Variants in KCNT1 observed in about 807,000 individuals in gnomAD.
KCNT1 encodes potassium sodium-activated channel subfamily T member 1, also known as potassium channel subfamily T member 1.
In KCNT1, 78 loss-of-function variants were observed where a neutral mutation model predicts 147.8. That is an observed-to-expected ratio of 0.53 (90% CI 0.44 to 0.64). The LOEUF is 0.64. Among genes scored for constraint, KCNT1 ranks in the 30% least tolerant of loss-of-function variants. The pLI, the probability that KCNT1 is intolerant of heterozygous loss-of-function variation, is 0.00. For missense variants in KCNT1, 1,419 were observed against 1,750.3 expected, an observed-to-expected ratio of 0.81 and a Z score of 3.38; for synonymous variants, 867 against 748.8, an observed-to-expected ratio of 1.16 and a Z score of -2.58.
At chr9:135,758,060 C>T (rs965234625) in intron 9 of KCNT1, among the ~76,000 whole-genome samples, 12 of 152,078 alleles carry the variant, frequency 7.9e-5, no homozygotes, top group Admixed American at 7.9e-4. Context: ...GCAGGCTGCC[C>T]GTGGGCCTCA....
rs1340916778 is a variant in KCNT1 at position 135,784,095 on chromosome 9, C to T, written c.2913C>T (p.Ser971=). The part of the protein sequence containing the change: ...RLPFAAGRVF[S]ISMLDTLLYQ... ...CGTTCGCCGCCGGCCGCGTCTTCAG[C>T]ATCAGCATGTTGGACACACTGCTCT... Residue 971 remains serine, a synonymous_variant, in exon 25 of 31, where the codon AGC becomes AGT. Coordinates refer to ENST00000371757, the MANE Select transcript of KCNT1 (RefSeq NM_020822.3). 1.9e-6 allele frequency: 3 copies of T among 1,605,436 alleles called. No homozygotes were observed. The highest frequency in any genetic ancestry group is 2.5e-6 in the Non-Finnish European group (3 of 1,179,944).
At chr9:135,718,325 G>A (rs1331006041) in intron 2 of KCNT1, among the ~76,000 whole-genome samples, 1 of 152,214 alleles carries the variant, frequency 6.6e-6, no homozygotes, top group African/African-American at 2.4e-5. Flanking sequence ...AGTGCAGGCG[G>A]GGTCTGGAGG....
chr9:135,775,001 T>C lies in KCNT1; in HGVS notation c.2244-309T>C, dbSNP rs112366773. On this transcript the variant is annotated intron_variant, in intron 19 of 30. Coordinates refer to ENST00000371757, the MANE Select transcript of KCNT1 (RefSeq NM_020822.3). ...TGACCCGCCAGGCAGGCACGGGTCC[T>C]TAAGGTTCGGCACCTGCATGGGTGC... is the stretch of plus-strand genomic sequence containing the variant. 0.036 allele frequency among the ~76,000 whole-genome samples: 5,466 copies of C among 152,218 alleles called. 140 individuals carry two copies. Among genetic ancestry groups the C allele is most frequent in the Middle Eastern group, 0.11 (31 of 294 alleles).
At chr9:135,707,012 C>T (rs527565452) in intron 1 of KCNT1, among the ~76,000 whole-genome samples, 1 of 149,860 alleles carries the variant, frequency 6.7e-6, no homozygotes, top group East Asian at 2.0e-4. Flanking sequence ...AGGCCAGGCA[C>T]GGTGGGTCAT....
At chr9:135,770,133 G>T in intron 16 of KCNT1, 78 bp downstream of exon 16, 1 of 1,408,224 alleles carries the variant, frequency 7.1e-7, no homozygotes, top group Non-Finnish European at 9.7e-7. Flanking sequence ...CTGCTTGGGG[G>T]CGGGGATGGG....
At chr9:135,757,461 G>A (rs546521789) in intron 9 of KCNT1, 80 bp downstream of exon 9, 79 of 1,321,386 alleles carry the variant, frequency 6.0e-5, no homozygotes, top group Non-Finnish European at 7.4e-5. Context: ...ACTGTGCGAC[G>A]TAGCCTGCCA....
chr9:135,741,734 C>G (rs1446377883), intron 2 of KCNT1, among the ~76,000 whole-genome samples: 2 of 152,258 alleles, frequency 1.3e-5, no homozygotes, highest in Non-Finnish European at 2.9e-5. Context: ...GCCTGTGACC[C>G]CAGGCTGGCT....
chr9:135,765,715 A>G lies in KCNT1; in HGVS notation c.1292A>G (p.Tyr431Cys). ...QIPLWSQRVI[Y>C]LQGSALKDQD... ...CCTCTGTGGTCCCAGCGGGTCATCT[A>G]CCTCCAGGGCTCTGCACTCAAAGAC... The change falls in exon 13 of 31, where the codon TAC (tyrosine) becomes TGC (cysteine). Residue 431 changes from tyrosine to cysteine, a missense_variant. Around this residue, in one of 5 missense-constraint regions of KCNT1, gnomAD observed 401 missense variants for 610.6 expected, o/e 0.66. Transcript: ENST00000371757. 1 of 1,608,998 alleles carries G rather than the reference A, an allele frequency of 6.2e-7. No individual in the cohort carries two copies. The highest frequency in any genetic ancestry group is 8.5e-7 in the Non-Finnish European group (1 of 1,177,982).
intron 11 of KCNT1, among the ~76,000 whole-genome samples, 176 bp from the exon 12 acceptor site, chr9:135,764,855 G>T (rs1832146689): frequency 6.6e-6 from 1 of 152,122 alleles, no homozygotes; most frequent in South Asian, 2.1e-4. Context: ...GTCATCTGAG[G>T]CTATCAGCAT....
chr9:135,741,233 A>G (rs1361192128), intron 2 of KCNT1, among the ~76,000 whole-genome samples: 1 of 152,120 alleles, frequency 6.6e-6, no homozygotes, highest in African/African-American at 2.4e-5. Flanking sequence ...CTCAGTAGAC[A>G]CTCAGCTAGG....
intron 28 of KCNT1, 142 bp from the exon 29 acceptor site, chr9:135,786,055 C>T (rs1457287506): frequency 2.9e-6 from 2 of 693,042 alleles, no homozygotes; most frequent in East Asian, 2.7e-5. Context: ...CTGTCGTCGT[C>T]CTCTTCCCTA....
Position 135,752,609 on chromosome 9 carries a change from TTGGA to T in KCNT1, c.435-1320_435-1317del, listed in dbSNP as rs1831241420. On this transcript the variant is annotated intron_variant, in intron 4 of 30. Coordinates refer to ENST00000371757, the MANE Select transcript of KCNT1 (RefSeq NM_020822.3). The surrounding 1 kb of genome is among the most constrained non-coding windows in gnomAD (Gnocchi z 5.1). ...AGATGGGTGGATGATGGATGGATGG[TTGGA>T]TGGATGGTGGATGATGGATGGATGG... Among the ~76,000 whole-genome samples, 1 of 149,592 alleles carries T rather than the reference TTGGA, an allele frequency of 6.7e-6. No homozygotes were observed. The highest frequency in any genetic ancestry group is 2.1e-4 in the South Asian group (1 of 4,672).
At chr9:135,774,760 G>A (rs545730626) in intron 19 of KCNT1, among the ~76,000 whole-genome samples, 4 of 152,234 alleles carry the variant, frequency 2.6e-5, no homozygotes, top group East Asian at 1.9e-4. Flanking sequence ...GTCCATTTCC[G>A]TGTGCCTGTA....
intron 12 of KCNT1, 69 bp downstream of exon 12, chr9:135,765,264 G>A (rs1832184267): frequency 6.8e-7 from 1 of 1,461,324 alleles, no homozygotes; most frequent in Admixed American, 1.8e-5. Context: ...CCTCTCCCCA[G>A]GACTGCTTGG....
intron 2 of KCNT1, among the ~76,000 whole-genome samples, chr9:135,742,477 T>C (rs7864419): frequency 0.89 from 135,940 of 152,248 alleles, 60,901 homozygotes; most frequent in South Asian, 0.94. Flanking sequence ...CGCGGGGACC[T>C]CCAAGCGGGC....
At chr9:135,719,997 G>A (rs1259379852) in intron 2 of KCNT1, among the ~76,000 whole-genome samples, 1 of 152,196 alleles carries the variant, frequency 6.6e-6, no homozygotes, top group African/African-American at 2.4e-5. Flanking sequence ...AACAAGCTGA[G>A]AAGTGGACCA....
intron 2 of KCNT1, among the ~76,000 whole-genome samples, chr9:135,734,142 G>A (rs1830238143): frequency 1.3e-5 from 2 of 152,202 alleles, no homozygotes; most frequent in African/African-American, 4.8e-5. Flanking sequence ...TCTCTAAAAG[G>A]GCAGTTGTTA....
chr9:135,756,615 G>T (rs553698148), intron 6 of KCNT1, among the ~76,000 whole-genome samples: 3 of 152,230 alleles, frequency 2.0e-5, no homozygotes, highest in African/African-American at 7.2e-5. Context: ...CTCACCCACT[G>T]CACCCTCCAT....
At chr9:135,768,423 C>T in intron 13 of KCNT1, 187 bp from the exon 14 acceptor site, 1 of 551,500 alleles carries the variant, frequency 1.8e-6, no homozygotes, top group Admixed American at 3.1e-5. Flanking sequence ...GGGGCCTCCT[C>T]CCGCCTTCCA....
Sources: gnomAD v4.1 joint callset for allele counts (sites outside exome capture counted in the v4.1 genomes callset) on GRCh38, gnomAD v4.1.1 for gene constraint, gnomAD v4.1.1 regional missense constraint, Gnocchi (gnomAD v3.1) non-coding constraint, MANE v1.5 for transcripts, NCBI Gene and HGNC (gene_info 2026-07-23, HGNC 2026-07-21) for gene names.